Variants in NAALADL2 observed in about 807,000 individuals in gnomAD.
NAALADL2 encodes the protein inactive N-acetylated-alpha-linked acidic dipeptidase-like protein 2.
A neutral mutation model predicts 87.2 loss-of-function variants in NAALADL2; 76 were observed. That is an observed-to-expected ratio of 0.87 (90% confidence interval 0.72 to 1.05). NAALADL2 has a LOEUF of 1.05. NAALADL2 is among the 50% of genes least tolerant of loss of function. The pLI is 0.00. For missense variants in NAALADL2, 1,089 were observed against 945.8 expected (o/e 1.15, Z -1.99); for synonymous variants, 354 against 331.0 (o/e 1.07, Z -0.75).
At chr3:174,517,097 TG>T (rs1359271669) in intron 1 of NAALADL2, among the ~76,000 whole-genome samples, 1 of 152,018 alleles carries the variant, frequency 6.6e-6, no homozygotes, top group Admixed American at 6.6e-5. Flanking sequence ...GTAAAACGTA[TG>T]GTTACAACGT....
intron 9 of NAALADL2, among the ~76,000 whole-genome samples, chr3:175,509,705 C>G (rs925838226): frequency 1.3e-5 from 2 of 152,146 alleles, no homozygotes; most frequent in African/African-American, 4.8e-5. Flanking sequence ...TCTCCTGCTG[C>G]TATAAGGACA....
At chr3:174,873,614 G>A (rs1728130642) in intron 1 of NAALADL2, among the ~76,000 whole-genome samples, 1 of 151,912 alleles carries the variant, frequency 6.6e-6, no homozygotes, top group African/African-American at 2.4e-5. Flanking sequence ...ATATGCCTTT[G>A]CCAGTTTAGT....
At chr3:175,716,109 G>T (rs1337638592) in intron 11 of NAALADL2, among the ~76,000 whole-genome samples, 1 of 145,996 alleles carries the variant, frequency 6.8e-6, no homozygotes, top group African/African-American at 2.5e-5. Context: ...TATTATATAT[G>T]ATATATGTAA....
At chr3:175,174,468 C>T (rs887819775) in intron 2 of NAALADL2, among the ~76,000 whole-genome samples, 1 of 151,642 alleles carries the variant, frequency 6.6e-6, no homozygotes, top group African/African-American at 2.4e-5. Flanking sequence ...TTTCATATTG[C>T]CCTCAGTATT....
At chr3:174,846,238 C>T (rs1223333083) in intron 3 of NAALADL2, among the ~76,000 whole-genome samples, 1 of 152,218 alleles carries the variant, frequency 6.6e-6, no homozygotes, top group Non-Finnish European at 1.5e-5. Flanking sequence ...ATGCTTTGCT[C>T]TCCTCTCTAT....
In NAALADL2 at chr3:175,028,443, T is replaced by C. The variant is rs151319519; in HGVS notation, c.44-68347T>C. On this transcript the variant is annotated intron_variant, in intron 1 of 13. Transcript: ENST00000454872. Reference sequence around the variant, plus strand: ...GATTCCCGGTATGTCCTTAGCAGAATTGGATTTAGAAGCTATTTTTACATA... The same window carrying C: ...GATTCCCGGTATGTCCTTAGCAGAACTGGATTTAGAAGCTATTTTTACATA... Among the ~76,000 whole-genome samples, 155 of 152,214 alleles carry C rather than the reference T, an allele frequency of 1.0e-3. 1 individual carries two copies. Among genetic ancestry groups the C allele is most frequent in the East Asian group, 5.8e-3 (30 of 5,170 alleles).
At chr3:175,050,636 C>A (rs9867856) in intron 1 of NAALADL2, among the ~76,000 whole-genome samples, 48,460 of 151,836 alleles carry the variant, frequency 0.32, 8,182 homozygotes, top group Middle Eastern at 0.45. Context: ...GCTTAAAGTC[C>A]CAGTTTCTGA....
chr3:174,838,135 A>G (rs776352971), intron 3 of NAALADL2, among the ~76,000 whole-genome samples: 8 of 152,138 alleles, frequency 5.3e-5, no homozygotes, highest in Non-Finnish European at 1.2e-4. Flanking sequence ...TATCAAAAAG[A>G]TAATACACCG....
intron 2 of NAALADL2, among the ~76,000 whole-genome samples, chr3:174,642,749 C>CATATATATATATATATATAT (rs71624288): frequency 2.3e-5 from 3 of 130,238 alleles, no homozygotes; most frequent in African/African-American, 8.9e-5. Context: ...TGAAAAAAAA[C>CATATATATATATATATATAT]ATATATATAT....
intron 1 of NAALADL2, among the ~76,000 whole-genome samples, chr3:174,934,152 C>T (rs542869852): frequency 6.6e-6 from 1 of 151,662 alleles, no homozygotes; most frequent in Non-Finnish European, 1.5e-5. Context: ...AGTTCTTCTA[C>T]TACTACTACT....
intron 9 of NAALADL2, among the ~76,000 whole-genome samples, chr3:175,548,280 C>G (rs997414935): frequency 1.3e-5 from 2 of 152,040 alleles, no homozygotes; most frequent in Admixed American, 6.6e-5. Flanking sequence ...GGCCATTTTC[C>G]TTACCAAACT....
chr3:175,707,530 A>G (rs575920695), intron 11 of NAALADL2, among the ~76,000 whole-genome samples: 3 of 152,218 alleles, frequency 2.0e-5, no homozygotes, highest in East Asian at 1.9e-4. Context: ...TCCATATTGC[A>G]TAGATAAGGA....
chr3:174,717,212 C>A (rs1378576177), intron 2 of NAALADL2, among the ~76,000 whole-genome samples: 1 of 152,098 alleles, frequency 6.6e-6, no homozygotes, highest in Non-Finnish European at 1.5e-5. Context: ...CTTAAAGCAT[C>A]ATCTACCTCT....
intron 2 of NAALADL2, among the ~76,000 whole-genome samples, chr3:175,206,826 C>A (rs547761843): frequency 1.2e-4 from 18 of 152,200 alleles, no homozygotes; most frequent in Non-Finnish European, 1.6e-4. Flanking sequence ...GCTAATCCTT[C>A]CAATCTGTTT....
chr3:175,146,545 A>G (rs571675396), intron 2 of NAALADL2, among the ~76,000 whole-genome samples: 307 of 152,294 alleles, frequency 2.0e-3, no homozygotes, highest in Non-Finnish European at 3.4e-3. Context: ...AAATTCATAG[A>G]ATATTACTTT....
chr3:175,454,850 A>G (rs1485821591), intron 6 of NAALADL2, among the ~76,000 whole-genome samples: 3 of 152,028 alleles, frequency 2.0e-5, no homozygotes, highest in African/African-American at 7.2e-5. Flanking sequence ...GACTTGGAAA[A>G]TTGTGTAGAT....
chr3:175,008,889 G>A (rs756853641), intron 1 of NAALADL2, among the ~76,000 whole-genome samples: 9 of 152,110 alleles, frequency 5.9e-5, no homozygotes, highest in Non-Finnish European at 1.0e-4. Context: ...TCAGTAAGAT[G>A]CAAAGGAAAG....
At chr3:174,609,574 G>A (rs1004103615) in intron 2 of NAALADL2, among the ~76,000 whole-genome samples, 2 of 151,940 alleles carry the variant, frequency 1.3e-5, no homozygotes, top group Admixed American at 1.3e-4. Flanking sequence ...ATTGCTTCAA[G>A]GAGAATAAAA....
At chr3:175,484,264 G>A (rs990590672) in intron 9 of NAALADL2, among the ~76,000 whole-genome samples, 8 of 151,994 alleles carry the variant, frequency 5.3e-5, no homozygotes, top group African/African-American at 1.7e-4. Flanking sequence ...CGGTTTATTT[G>A]AGCAGCATTA....
Sources: gnomAD v4.1 joint callset for allele counts (sites outside exome capture counted in the v4.1 genomes callset) on GRCh38, gnomAD v4.1.1 for gene constraint, MANE v1.5 for transcripts, NCBI Gene and HGNC (gene_info 2026-07-23, HGNC 2026-07-21) for gene names.